The following C8orf34 variants were observed in gnomAD, a reference collection of about 807,000 sequenced individuals.
C8orf34 encodes the protein uncharacterized protein C8orf34.
In C8orf34, 65 loss-of-function variants were observed where a neutral mutation model predicts 68.3. The ratio of observed to expected loss-of-function variants is 0.95; its 90% confidence interval spans 0.78 to 1.17. The LOEUF (loss-of-function observed/expected upper bound fraction) is 1.17, where lower values mean the gene tolerates loss of function less well. Ranked by LOEUF, C8orf34 falls within the 50% of genes most tolerant of loss-of-function variation. The pLI is 0.00. For synonymous variants in C8orf34, 244 were observed against 241.2 expected, an observed-to-expected ratio of 1.01 and a Z score of -0.11; for missense variants, 664 against 655.4, an observed-to-expected ratio of 1.01 and a Z score of -0.14.
chr8:68,816,138 CTG>C (rs138646973), intron 13 of C8orf34, among the ~76,000 whole-genome samples, 193 bp downstream of exon 13: 105 of 146,604 alleles, frequency 7.2e-4, no homozygotes, highest in East Asian at 2.0e-3. Flanking sequence ...GTGTGTTTCT[CTG>C]TGTGTGTGTG....
chr8:68,556,453 G>GT (rs1816257630), intron 7 of C8orf34, among the ~76,000 whole-genome samples: 1 of 151,912 alleles, frequency 6.6e-6, no homozygotes, highest in African/African-American at 2.4e-5. Context: ...TCCCTGATTA[G>GT]TATCTTGATA....
At chr8:68,699,468 G>C (rs1820927110) in intron 8 of C8orf34, among the ~76,000 whole-genome samples, 1 of 151,960 alleles carries the variant, frequency 6.6e-6, no homozygotes, top group South Asian at 2.1e-4. Context: ...CTTTCTTTGG[G>C]CTGCCTCAGG....
At chr8:68,504,000 G>A (rs754353354) in intron 5 of C8orf34, among the ~76,000 whole-genome samples, 23 of 152,058 alleles carry the variant, frequency 1.5e-4, no homozygotes, top group Non-Finnish European at 3.2e-4. Context: ...TATTCACAGA[G>A]TTGTGCAATC....
At chr8:68,665,579 C>T (rs1308094749) in intron 8 of C8orf34, among the ~76,000 whole-genome samples, 1 of 152,188 alleles carries the variant, frequency 6.6e-6, no homozygotes, top group African/African-American at 2.4e-5. Flanking sequence ...CCATTCTCCT[C>T]GTGGACCTGA....
At chr8:68,813,369 G>GT (rs769126924) in intron 12 of C8orf34, among the ~76,000 whole-genome samples, 10,508 of 143,274 alleles carry the variant, frequency 0.073, 394 homozygotes, top group African/African-American at 0.11. Context: ...AGATAATTCT[G>GT]TTTTTTTTTT....
At chr8:68,470,648 T>C (rs1340449145) in intron 4 of C8orf34, among the ~76,000 whole-genome samples, 2 of 152,064 alleles carry the variant, frequency 1.3e-5, no homozygotes, top group African/African-American at 4.8e-5. Context: ...TTCTTATAAT[T>C]CTGGAGGGTG....
intron 4 of C8orf34, among the ~76,000 whole-genome samples, chr8:68,484,652 G>A (rs1210856636): frequency 6.6e-6 from 1 of 152,148 alleles, no homozygotes; most frequent in Admixed American, 6.5e-5. Flanking sequence ...TCAGGGAATA[G>A]CTGTGGATAT....
At chr8:68,425,034 A>G (rs1352886019) in intron 1 of C8orf34, among the ~76,000 whole-genome samples, 3 of 152,230 alleles carry the variant, frequency 2.0e-5, no homozygotes, top group Non-Finnish European at 4.4e-5. Flanking sequence ...CAGAAAAGTC[A>G]CATCATATTA....
intron 6 of C8orf34, among the ~76,000 whole-genome samples, chr8:68,529,949 C>T (rs1815174637): frequency 1.3e-5 from 2 of 151,962 alleles, no homozygotes; most frequent in African/African-American, 4.8e-5. Context: ...ATAACATCTG[C>T]TTCAAACAGT....
At chr8:68,375,541 T>C (rs1287482343) in intron 1 of C8orf34, among the ~76,000 whole-genome samples, 1 of 152,214 alleles carries the variant, frequency 6.6e-6, no homozygotes, top group Non-Finnish European at 1.5e-5. Context: ...TCTGCTTTTA[T>C]TCATATACTG....
At chr8:68,491,047 A>T (rs1434581919) in intron 5 of C8orf34, among the ~76,000 whole-genome samples, 1 of 152,206 alleles carries the variant, frequency 6.6e-6, no homozygotes, top group African/African-American at 2.4e-5. Flanking sequence ...GGGATTCACT[A>T]AATATATGTT....
At chr8:68,457,267 TA>T (rs1811593921) in intron 3 of C8orf34, among the ~76,000 whole-genome samples, 1 of 151,898 alleles carries the variant, frequency 6.6e-6, no homozygotes, top group South Asian at 2.1e-4. Flanking sequence ...TACATAAATA[TA>T]AAAAAATGAA....
chr8:68,561,480 G>A (rs1816424609), intron 7 of C8orf34, among the ~76,000 whole-genome samples: 1 of 152,010 alleles, frequency 6.6e-6, no homozygotes, highest in Non-Finnish European at 1.5e-5. Flanking sequence ...CACAAGTCCG[G>A]GCGCAGCAGC....
intron 4 of C8orf34, among the ~76,000 whole-genome samples, chr8:68,485,576 G>GT (rs746177749): frequency 1.1e-4 from 17 of 151,880 alleles, no homozygotes; most frequent in Non-Finnish European, 2.2e-4. Flanking sequence ...GCTGGGCATG[G>GT]TGGCGGGTGC....
chr8:68,402,584 C>T (rs138511970), intron 1 of C8orf34, among the ~76,000 whole-genome samples: 51 of 152,148 alleles, frequency 3.4e-4, no homozygotes, highest in Admixed American at 2.0e-3. Flanking sequence ...CTGTATTGCA[C>T]GGCTTTTGTT....
intron 5 of C8orf34, among the ~76,000 whole-genome samples, chr8:68,503,196 T>C (rs1354097648): frequency 6.6e-6 from 1 of 152,210 alleles, no homozygotes. Context: ...ATAATTTTCC[T>C]AGATAAACAG....
intron 7 of C8orf34, among the ~76,000 whole-genome samples, chr8:68,609,105 T>A (rs1446368061): frequency 1.3e-5 from 2 of 152,094 alleles, no homozygotes; most frequent in Non-Finnish European, 2.9e-5. Flanking sequence ...GCCCAGGAGT[T>A]TGAGGTTGCA....
chr8:68,448,434 T>C (rs1323358715), intron 3 of C8orf34, among the ~76,000 whole-genome samples: 2 of 152,160 alleles, frequency 1.3e-5, no homozygotes, highest in East Asian at 3.8e-4. Flanking sequence ...AAATACTTGT[T>C]AAAACAAATT....
At chr8:68,799,345 A>G (rs555407277) in intron 12 of C8orf34, among the ~76,000 whole-genome samples, 6 of 152,334 alleles carry the variant, frequency 3.9e-5, no homozygotes, top group Admixed American at 3.3e-4. Flanking sequence ...CTTATATCAG[A>G]TGGAGCATAT....
Sources: allele counts gnomAD v4.1 joint callset (sites outside exome capture counted in the v4.1 genomes callset), GRCh38; gene constraint gnomAD v4.1.1; transcripts MANE v1.5; gene names NCBI Gene and HGNC (gene_info 2026-07-23, HGNC 2026-07-21).